The following FBXL17 variants were observed in gnomAD, a reference collection of about 807,000 sequenced individuals.
The protein encoded by FBXL17 is F-box/LRR-repeat protein 17.
FBXL17 carries 22 observed loss-of-function variants against 66.2 expected under a neutral mutation model. That is an observed-to-expected ratio of 0.33 (90% CI 0.24 to 0.47). The LOEUF is 0.47. Among genes scored for constraint, FBXL17 ranks in the 20% least tolerant of loss-of-function variants. The probability of loss-of-function intolerance (pLI) is 1.00; values close to 1 mark genes in which losing one functional copy is unlikely to be tolerated. For missense variants in FBXL17, 878 were observed against 948.2 expected (o/e 0.93, Z 0.97); for synonymous variants, 474 against 400.5 (o/e 1.18, Z -2.19).
chr5:108,149,685 C>T (rs1432393258), intron 6 of FBXL17, among the ~76,000 whole-genome samples: 1 of 152,166 alleles, frequency 6.6e-6, no homozygotes, highest in African/African-American at 2.4e-5. Context: ...AAGTCATATT[C>T]AGTTCTTCTC....
At chr5:108,298,522 T>C (rs2150173812) in intron 4 of FBXL17, 1 of 975,612 alleles carries the variant, frequency 1.0e-6, no homozygotes, top group South Asian at 4.7e-5. Flanking sequence ...TTCCACTAAC[T>C]TGCCTAATGA....
At chr5:107,987,459 T>C (rs1446399044) in intron 7 of FBXL17, among the ~76,000 whole-genome samples, 3 of 152,196 alleles carry the variant, frequency 2.0e-5, no homozygotes, top group East Asian at 3.9e-4. Flanking sequence ...ACGAAACTTG[T>C]TGAGCTGGGT....
At chr5:108,274,287 G>C (rs540522994) in intron 4 of FBXL17, among the ~76,000 whole-genome samples, 1 of 152,232 alleles carries the variant, frequency 6.6e-6, no homozygotes, top group South Asian at 2.1e-4. Context: ...CCACGCCCGG[G>C]GGGGCCAGTT....
At chr5:108,282,759 T>C (rs527454409) in intron 4 of FBXL17, among the ~76,000 whole-genome samples, 1 of 149,674 alleles carries the variant, frequency 6.7e-6, no homozygotes, top group African/African-American at 2.5e-5. Flanking sequence ...TCTAAAAAAA[T>C]TTAAAGACTC....
intron 7 of FBXL17, among the ~76,000 whole-genome samples, chr5:107,999,429 T>C (rs1352361611): frequency 7.3e-6 from 1 of 136,994 alleles, no homozygotes; most frequent in Non-Finnish European, 1.5e-5. Flanking sequence ...GAAATTTACT[T>C]TTTTTTTTTT....
At chr5:108,208,527 T>C (rs1474794616) in intron 5 of FBXL17, among the ~76,000 whole-genome samples, 1 of 152,192 alleles carries the variant, frequency 6.6e-6, no homozygotes. Flanking sequence ...GTTTTCTGCA[T>C]ATGTTGTGCA....
At chr5:108,089,477 A>G (rs1023416342) in intron 6 of FBXL17, among the ~76,000 whole-genome samples, 2 of 152,160 alleles carry the variant, frequency 1.3e-5, no homozygotes, top group African/African-American at 4.8e-5. Context: ...CATCCCCAGA[A>G]TAACCCCTGC....
intron 6 of FBXL17, among the ~76,000 whole-genome samples, chr5:108,127,270 A>G (rs1750759111): frequency 6.6e-6 from 1 of 152,218 alleles, no homozygotes; most frequent in Non-Finnish European, 1.5e-5. Context: ...GGCTATGATG[A>G]GGCCCACAGT....
intron 4 of FBXL17, among the ~76,000 whole-genome samples, chr5:108,232,782 C>CATATATATGTATATATATATAT (rs1554077826): frequency 2.0e-4 from 16 of 78,178 alleles, no homozygotes; most frequent in Admixed American, 1.5e-3. Context: ...TAAGCTCTCA[C>CATATATATGTATATATATATAT]ATATATATAT....
intron 4 of FBXL17, among the ~76,000 whole-genome samples, chr5:108,344,147 C>T (rs2112449932): frequency 6.6e-6 from 1 of 151,364 alleles, no homozygotes; most frequent in East Asian, 2.0e-4. Context: ...CGTTTGCCTC[C>T]ATCTCCCCTT....
chr5:108,079,271 G>C (rs141087608), intron 6 of FBXL17, among the ~76,000 whole-genome samples: 363 of 151,880 alleles, frequency 2.4e-3, no homozygotes, highest in Admixed American at 6.4e-3. Context: ...TTCTTAATGA[G>C]ACCAGTGGGA....
At position 108,105,144 on chromosome 5, in the gene FBXL17, A is replaced by AT. The variant is rs559069499; in HGVS notation, c.1745+80972dup. 9.9e-5 allele frequency among the ~76,000 whole-genome samples: 15 copies of AT among 152,276 alleles called. No homozygotes were observed. In the South Asian group the frequency reaches 1.0e-3, roughly 11 times the overall value. ...GCGTGAGCCACCACACCTGGCCGTG[A>AT]TTTTTTTAATGTATGAATTGCTTTT... On this transcript the variant is annotated intron_variant, in intron 6 of 8. Transcript: ENST00000542267.
intron 6 of FBXL17, among the ~76,000 whole-genome samples, chr5:108,144,437 T>C (rs1433976601): frequency 6.6e-6 from 1 of 152,104 alleles, no homozygotes; most frequent in African/African-American, 2.4e-5. Context: ...GAAAGCAATT[T>C]CCCACAGCTA....
intron 1 of FBXL17, among the ~76,000 whole-genome samples, chr5:108,370,383 G>A (rs1361421916): frequency 2.6e-5 from 4 of 152,006 alleles, no homozygotes; most frequent in South Asian, 4.2e-4. Context: ...CTTGGGCCTC[G>A]GGAAAACAAC....
chr5:108,026,521 C>T (rs1215597234), intron 6 of FBXL17, among the ~76,000 whole-genome samples: 1 of 152,136 alleles, frequency 6.6e-6, no homozygotes, highest in Non-Finnish European at 1.5e-5. Context: ...GAGATGTTTA[C>T]CGCAAGAAAA....
chr5:108,345,110 G>A (rs146585377), intron 4 of FBXL17, among the ~76,000 whole-genome samples: 1,761 of 152,086 alleles, frequency 0.012, 19 homozygotes, highest in Non-Finnish European at 0.018. Context: ...CGAGGTGGGC[G>A]GATCATGAGG....
intron 4 of FBXL17, among the ~76,000 whole-genome samples, chr5:108,241,553 G>C (rs1477398056): frequency 6.6e-6 from 1 of 151,912 alleles, no homozygotes; most frequent in East Asian, 1.9e-4. Flanking sequence ...AAAGGAAGTA[G>C]AGAGAGAGAG....
intron 5 of FBXL17, among the ~76,000 whole-genome samples, chr5:108,194,892 A>G (rs1753619651): frequency 6.6e-6 from 1 of 152,182 alleles, no homozygotes; most frequent in Non-Finnish European, 1.5e-5. Flanking sequence ...TACCCAGTTG[A>G]TCTCAACCTG....
At chr5:108,144,200 G>A (rs1751470585) in intron 6 of FBXL17, among the ~76,000 whole-genome samples, 1 of 152,084 alleles carries the variant, frequency 6.6e-6, no homozygotes, top group African/African-American at 2.4e-5. Context: ...GGAGAAGACT[G>A]TTTCCTTCCA....
Sources: allele counts gnomAD v4.1 joint callset (sites outside exome capture counted in the v4.1 genomes callset), GRCh38; gene constraint gnomAD v4.1.1; transcripts MANE v1.5; gene names NCBI Gene and HGNC (gene_info 2026-07-23, HGNC 2026-07-21).